The following EIF4A2 variants were observed in gnomAD, a reference collection of about 807,000 sequenced individuals.
The protein encoded by EIF4A2 is eukaryotic initiation factor 4A-II.
EIF4A2 carries 9 observed loss-of-function variants against 50.6 expected under a neutral mutation model. That is an observed-to-expected ratio of 0.18 (90% CI 0.11 to 0.31). The LOEUF (loss-of-function observed/expected upper bound fraction) is 0.31, where lower values mean the gene tolerates loss of function less well. EIF4A2 is among the 10% of genes least tolerant of loss of function. The pLI is 1.00. For synonymous variants in EIF4A2, 215 were observed against 164.4 expected, an observed-to-expected ratio of 1.31 and a Z score of -2.35; for missense variants, 182 against 501.8, an observed-to-expected ratio of 0.36 and a Z score of 6.09.
chr3:186,784,461 C>T lies in EIF4A2; in HGVS notation c.59C>T (p.Pro20Leu), dbSNP rs778995582. Reference sequence around the variant, plus strand: ...CATGGCGGCCCAGAGGGAATGGACCCCGATGGTGTCATCGAGGTAAGAAAC... The same window carrying T: ...CATGGCGGCCCAGAGGGAATGGACCTCGATGGTGTCATCGAGGTAAGAAAC... ...REHGGPEGMD[P>L]DGVIESNWNE... Residue 20 changes from proline (P) to leucine (L), a missense_variant, in exon 2 of 11, where the codon CCC becomes CTC. Physicochemically the swap from Pro to Leu is moderately conservative, Grantham distance 98 (BLOSUM62 -3). This residue lies in a region of EIF4A2 where 113 missense variants were observed against 357.3 expected (regional missense o/e 0.32). Transcript: ENST00000323963. The T allele has an allele frequency of 2.9e-5, 46 of 1,614,024 alleles. No homozygotes were observed. Among genetic ancestry groups the T allele is most frequent in the Non-Finnish European group, 3.9e-5 (46 of 1,180,030 alleles).
At chr3:186,784,372 C>T (rs1201814240) in intron 1 of EIF4A2, 60 bp from the exon 2 acceptor site, 8 of 1,613,290 alleles carry the variant, frequency 5.0e-6, no homozygotes, top group East Asian at 2.2e-5. Flanking sequence ...GGGCTATGCG[C>T]TTAAGGTGCA....
At position 186,788,554 on chromosome 3, in the gene EIF4A2, T is replaced by C. The variant is rs578029908; in HGVS notation, c.1080-571T>C. ...GGTTTGTATTGTCTGGTTTCTAACATGCAGGTAGCTGTTTGGCAGTTAAAC... is the reference window on the plus strand; with the variant it reads ...GGTTTGTATTGTCTGGTTTCTAACACGCAGGTAGCTGTTTGGCAGTTAAAC... On this transcript the variant is annotated intron_variant, in intron 10 of 10. Transcript: ENST00000323963. 1.1e-5 allele frequency: 7 copies of C among 640,398 alleles called. No individual in the cohort carries two copies. The Admixed American group carries it at 2.5e-4, about 23-fold the overall frequency. The allele number at this position is 640,398 out of a possible 1,614,324, so 39.7% of individuals were successfully genotyped here. A position where few individuals can be genotyped will look rare whatever the true frequency, so the allele number is the denominator to read the frequency against.
At position 186,787,112 on chromosome 3, in the gene EIF4A2, T is replaced by G; in HGVS notation, c.772-15T>G. The stretch of plus-strand genomic sequence containing the variant: ...AAACTAAATGACTGTTAACTTTAAC[T>G]TCTAAACATTACAGGAATGGAAGTT... On this transcript the variant is annotated splice_polypyrimidine_tract_variant and intron_variant, in intron 7 of 10. Coordinates refer to ENST00000323963, the MANE Select transcript of EIF4A2 (RefSeq NM_001967.4). 3.7e-6 allele frequency: 6 copies of G among 1,612,874 alleles called. No individual in the cohort carries two copies. Among genetic ancestry groups the G allele is most frequent in the Non-Finnish European group, 5.1e-6 (6 of 1,179,862 alleles).
chr3:186,784,117 C>A lies in EIF4A2; in HGVS notation c.30-315C>A, dbSNP rs192209476. Reference sequence around the variant, plus strand: ...GGTGAACCGTTGGCATCGCCCTCGCCAGGCCGCTCCGCCCGCGTCAATCAC... The same window carrying A: ...GGTGAACCGTTGGCATCGCCCTCGCAAGGCCGCTCCGCCCGCGTCAATCAC... On this transcript the variant is annotated intron_variant, in intron 1 of 10. Transcript: ENST00000323963. 318 of 498,746 alleles carry A rather than the reference C, an allele frequency of 6.4e-4. 3 individuals are homozygous for A. Among genetic ancestry groups the A allele is most frequent in the African/African-American group, 5.3e-3 (276 of 52,082 alleles). The allele number at this position is 498,746 out of a possible 1,614,324, so 30.9% of individuals were successfully genotyped here.
In EIF4A2 at chr3:186,786,654, C is replaced by CT; in HGVS notation, c.771+10dup. The CT allele has an allele frequency of 1.2e-6, 2 of 1,613,514 alleles. No individual in the cohort carries two copies. The highest frequency in any genetic ancestry group is 1.7e-6 in the Non-Finnish European group (2 of 1,179,800). On this transcript the variant is annotated intron_variant, in intron 7 of 10. Coordinates refer to ENST00000323963, the MANE Select transcript of EIF4A2 (RefSeq NM_001967.4). ...TTAATGTTGAGAGAGAGGTAACTGT[C>CT]TGATTGTTAGACATTATTTTACCTT...
chr3:186,786,982 CTGGTT>C, intron 7 of EIF4A2, 140 bp from the exon 8 acceptor site: 1 of 1,235,116 alleles, frequency 8.1e-7, no homozygotes. Context: ...AAACCCTGGT[CTGGTT>C]GGAACTCTGG....
In EIF4A2 at chr3:186,787,861, A is replaced by G. The variant is rs1721834378; in HGVS notation, c.1058A>G (p.Asn353Ser). 6 of 1,613,680 alleles carry G rather than the reference A, an allele frequency of 3.7e-6. No individual in the cohort carries two copies. Among genetic ancestry groups the G allele is most frequent in the Non-Finnish European group, 4.2e-6 (5 of 1,179,964 alleles). The part of the protein sequence containing the change: ...SLVINYDLPT[N>S]RENYIHRIGR... ...GTTATAAATTATGATCTACCTACCAATCGTGAAAACTATATTCACAGGTGA... is the reference window on the plus strand; with the variant it reads ...GTTATAAATTATGATCTACCTACCAGTCGTGAAAACTATATTCACAGGTGA... The change falls in exon 10 of 11, where the codon AAT becomes AGT. Residue 353 changes from asparagine to serine, a missense_variant. This residue lies in a region of EIF4A2 where 7 missense variants were observed against 16.2 expected (regional missense o/e 0.43). Coordinates refer to ENST00000323963, the MANE Select transcript of EIF4A2 (RefSeq NM_001967.4).
At chr3:186,788,318 A>T in intron 10 of EIF4A2, 2 of 1,290,594 alleles carry the variant, frequency 1.5e-6, no homozygotes, top group Non-Finnish European at 2.0e-6. Flanking sequence ...AGGAGTCGAT[A>T]GCAGCAGTTG....
At chr3:186,788,298 TAAA>T in intron 10 of EIF4A2, 1 of 1,291,910 alleles carries the variant, frequency 7.7e-7, no homozygotes. Context: ...AAAGACTTTT[TAAA>T]AAATACAGGA....
chr3:186,788,597 A>G, intron 10 of EIF4A2: 1 of 352,782 alleles, frequency 2.8e-6, no homozygotes, highest in South Asian at 3.7e-5. Flanking sequence ...GAGTAATTTG[A>G]GTTACAACGT....
intron 4 of EIF4A2, 193 bp from the exon 5 acceptor site, chr3:186,785,690 A>G (rs1425486124): frequency 1.7e-6 from 1 of 595,480 alleles, no homozygotes; most frequent in East Asian, 2.8e-5. Context: ...CAAGTTTGAC[A>G]AGGCATAAGA....
rs1722004142 is a variant in EIF4A2, at chr3:186,789,734, G to GT, written c.*466dup. The GT allele has an allele frequency of 2.2e-6, 1 of 450,096 alleles. No homozygotes were observed. The highest frequency in any genetic ancestry group is 3.5e-5 in the South Asian group (1 of 28,380). The allele number at this position is 450,096 out of a possible 1,614,324, so 27.9% of individuals were successfully genotyped here. A position where few individuals can be genotyped will look rare whatever the true frequency, so the allele number is the denominator to read the frequency against. On this transcript the variant is annotated 3_prime_UTR_variant, in exon 11 of 11. Transcript: ENST00000323963. Reference sequence around the variant, plus strand: ...ATTTGAATGCATTTTGTTTGGTATTGTATTTATTCAATAAAGTATTTAATT... The same window carrying GT: ...ATTTGAATGCATTTTGTTTGGTATTGTTATTTATTCAATAAAGTATTTAATT...
chr3:186,788,590 T>A, intron 10 of EIF4A2: 1 of 378,402 alleles, frequency 2.6e-6, no homozygotes, highest in Non-Finnish European at 4.3e-6. Context: ...ACGTTTAGAG[T>A]AATTTGAGTT....
intron 10 of EIF4A2, 60 bp from the exon 11 acceptor site, chr3:186,789,063 GTC>G: frequency 6.5e-7 from 1 of 1,546,992 alleles, no homozygotes; most frequent in Admixed American, 1.9e-5. Context: ...CAAGTGGATC[GTC>G]ATGTTCAGTA....
In EIF4A2 at chr3:186,787,598, T is replaced by G; in HGVS notation, c.999+14T>G. On this transcript the variant is annotated intron_variant, in intron 9 of 10. Coordinates refer to ENST00000323963, the MANE Select transcript of EIF4A2 (RefSeq NM_001967.4). ...ACTGACTTGTTGGTAAGTCTCTTAATGCTTTTTAAAAATCTACCAAAAGTT... is the reference window on the plus strand; with the variant it reads ...ACTGACTTGTTGGTAAGTCTCTTAAGGCTTTTTAAAAATCTACCAAAAGTT... The G allele has an allele frequency of 6.2e-7, 1 of 1,613,974 alleles. No individual in the cohort carries two copies. The highest frequency in any genetic ancestry group is 1.7e-5 in the Admixed American group (1 of 60,020).
chr3:186,786,765 A>C, intron 7 of EIF4A2, 120 bp downstream of exon 7: 1 of 1,333,562 alleles, frequency 7.5e-7, no homozygotes, highest in Admixed American at 1.7e-5. Context: ...ACACAAGAAG[A>C]AAAGTAACAG....
intron 7 of EIF4A2, 151 bp from the exon 8 acceptor site, chr3:186,786,976 C>A: frequency 1.7e-6 from 2 of 1,205,626 alleles, no homozygotes; most frequent in Non-Finnish European, 2.4e-6. Context: ...TTCTTGAAAC[C>A]CTGGTCTGGT....
chr3:186,784,825 A>G (rs780441673), intron 3 of EIF4A2, 129 bp downstream of exon 3: 1 of 1,598,366 alleles, frequency 6.3e-7, no homozygotes, highest in Admixed American at 1.7e-5. Flanking sequence ...ATCTTTCGGG[A>G]CTGACCTGAA....
chr3:186,786,324 T>C (rs755015035), intron 6 of EIF4A2, 51 bp downstream of exon 6: 8 of 1,562,826 alleles, frequency 5.1e-6, no homozygotes, highest in Admixed American at 1.8e-5. Context: ...GTTTATTTAA[T>C]GCAGGTACTG....
Sources: gnomAD v4.1 joint callset for allele counts on GRCh38, gnomAD v4.1.1 for gene constraint, gnomAD v4.1.1 regional missense constraint, MANE v1.5 for transcripts, NCBI Gene and HGNC (gene_info 2026-07-23, HGNC 2026-07-21) for gene names.